The following CALD1 variants were observed in gnomAD, a reference collection of about 807,000 sequenced individuals.
CALD1 encodes caldesmon.
In CALD1, 33 loss-of-function variants were observed where a neutral mutation model predicts 99.9. That is an observed-to-expected ratio of 0.33 (90% confidence interval 0.25 to 0.44). The LOEUF (loss-of-function observed/expected upper bound fraction) is 0.44, where lower values mean the gene tolerates loss of function less well. CALD1 is among the 20% of genes least tolerant of loss of function. The probability of loss-of-function intolerance (pLI) is 1.00; values close to 1 mark genes in which losing one functional copy is unlikely to be tolerated. For synonymous variants in CALD1, 310 were observed against 325.0 expected, an observed-to-expected ratio of 0.95 and a Z score of 0.50; for missense variants, 861 against 962.1, an observed-to-expected ratio of 0.89 and a Z score of 1.39.
the CALD1 span, among the ~76,000 whole-genome samples, chr7:134,721,329 C>CAAAA: frequency 2.4e-5 from 3 of 123,728 alleles, no homozygotes; most frequent in Non-Finnish European, 3.6e-5. Context: ...AAGTCATCTG[C>CAAAA]AAAAAAAAAA....
intron 1 of CALD1, among the ~76,000 whole-genome samples, chr7:134,822,516 TC>T (rs1798822166): frequency 6.6e-6 from 1 of 152,222 alleles, no homozygotes; most frequent in Non-Finnish European, 1.5e-5. Context: ...TAGTGATTTT[TC>T]ATAAGAAACG....
At chr7:134,920,551 A>G in intron 3 of CALD1, 1 of 1,256,848 alleles carries the variant, frequency 8.0e-7, no homozygotes, top group Non-Finnish European at 1.0e-6. Context: ...TTGCTGCAGA[A>G]AGCTGGGGAC....
chr7:134,958,887 A>ATATATATTTAAC (rs1554479109), intron 11 of CALD1, among the ~76,000 whole-genome samples: 59 of 96,234 alleles, frequency 6.1e-4, no homozygotes, highest in East Asian at 4.4e-3. Context: ...ATATATATAT[A>ATATATATTTAAC]TATATATATA....
chr7:134,884,705 T>C (rs183934685), intron 3 of CALD1, among the ~76,000 whole-genome samples: 4 of 151,402 alleles, frequency 2.6e-5, no homozygotes, highest in African/African-American at 9.7e-5. Context: ...GCAGCGTCTC[T>C]ACTCCATCGT....
chr7:134,874,424 C>T (rs965946478), intron 3 of CALD1, among the ~76,000 whole-genome samples: 4 of 152,094 alleles, frequency 2.6e-5, no homozygotes, highest in Non-Finnish European at 5.9e-5. Flanking sequence ...AGTGCTCCAC[C>T]GGCCTCAGCC....
chr7:134,891,409 G>A (rs1802157774), intron 3 of CALD1: 1 of 1,283,624 alleles, frequency 7.8e-7, no homozygotes, highest in Non-Finnish European at 9.9e-7. Context: ...GAACGGGTTG[G>A]GAGGAGTAGA....
In CALD1 at chr7:134,928,428, C is replaced by CA. The variant is rs11355152; in HGVS notation, c.72-298dup. Among the ~76,000 whole-genome samples the CA allele has an allele frequency of 3.8e-3, 212 of 55,614 alleles. 5 individuals are homozygous for CA. Among genetic ancestry groups the CA allele is most frequent in the Middle Eastern group, 0.014 (1 of 72 alleles). 36.5% of individuals were successfully genotyped at this position (55,614 alleles called of 152,430 possible). A position where few individuals can be genotyped will look rare whatever the true frequency, so the allele number is the denominator to read the frequency against. Reference sequence around the variant, plus strand: ...CGGGTGACAGTGCAAGACTGGGTCTCAAAAAAAAAAAAAAAAAAAAAAAAA... The same window carrying CA: ...CGGGTGACAGTGCAAGACTGGGTCTCAAAAAAAAAAAAAAAAAAAAAAAAAA... On this transcript the variant is annotated intron_variant, in intron 3 of 14. Transcript: ENST00000361675.
chr7:134,754,849 T>C (rs2131575739), intron 1 of CALD1, among the ~76,000 whole-genome samples: 1 of 152,318 alleles, frequency 6.6e-6, no homozygotes, highest in East Asian at 1.9e-4. Context: ...AAGGTTTCTT[T>C]AGAGACGATC....
chr7:134,816,740 T>C (rs781774643), intron 1 of CALD1, among the ~76,000 whole-genome samples: 2 of 152,178 alleles, frequency 1.3e-5, no homozygotes, highest in African/African-American at 2.4e-5. Flanking sequence ...ATAGGATCAA[T>C]GTATTCAAAT....
intron 1 of CALD1, among the ~76,000 whole-genome samples, chr7:134,802,005 T>C (rs764301142): frequency 6.6e-6 from 1 of 152,218 alleles, no homozygotes; most frequent in South Asian, 2.1e-4. Flanking sequence ...ATATAATTCA[T>C]GTTTTCTCTC....
At chr7:134,718,647 C>T in the CALD1 span, among the ~76,000 whole-genome samples, 1 of 151,938 alleles carries the variant, frequency 6.6e-6, no homozygotes, top group South Asian at 2.1e-4. Context: ...AAAACCTGGC[C>T]TCAGCTGTTT....
chr7:134,853,216 C>T (rs1013642754), intron 2 of CALD1, among the ~76,000 whole-genome samples: 13 of 152,162 alleles, frequency 8.5e-5, no homozygotes, highest in Non-Finnish European at 1.5e-4. Context: ...GTGGGTGAGA[C>T]TAGTTCACCA....
the CALD1 span, among the ~76,000 whole-genome samples, chr7:134,722,459 C>T: frequency 2.0e-5 from 3 of 152,138 alleles, no homozygotes; most frequent in East Asian, 1.9e-4. Flanking sequence ...CTTCCTCTGT[C>T]GCCCAGGCTG....
chr7:134,807,016 T>G (rs1395466877), intron 1 of CALD1, among the ~76,000 whole-genome samples: 1 of 152,128 alleles, frequency 6.6e-6, no homozygotes, highest in Non-Finnish European at 1.5e-5. Context: ...AATTATCTAG[T>G]GGAGATTTAG....
intron 13 of CALD1, among the ~76,000 whole-genome samples, chr7:134,964,269 A>G (rs547711642): frequency 1.3e-5 from 2 of 152,200 alleles, no homozygotes; most frequent in Non-Finnish European, 2.9e-5. Context: ...GTGATTCCAG[A>G]GCAAGTTGTT....
chr7:134,773,696 T>C (rs527753239), intron 1 of CALD1, among the ~76,000 whole-genome samples: 2 of 152,312 alleles, frequency 1.3e-5, no homozygotes, highest in South Asian at 4.1e-4. Flanking sequence ...TCTTGTTCCA[T>C]GGATACAATA....
intron 9 of CALD1, among the ~76,000 whole-genome samples, chr7:134,950,969 A>G (rs527883085): frequency 6.6e-6 from 1 of 152,142 alleles, no homozygotes; most frequent in Admixed American, 6.5e-5. Flanking sequence ...AAAATTTATC[A>G]CTCACAGTTT....
At chr7:134,846,978 T>C (rs1383568046) in intron 2 of CALD1, among the ~76,000 whole-genome samples, 1 of 152,214 alleles carries the variant, frequency 6.6e-6, no homozygotes, top group African/African-American at 2.4e-5. Flanking sequence ...AATGGTCTAG[T>C]TGGGGTGTTC....
intron 2 of CALD1, among the ~76,000 whole-genome samples, chr7:134,847,983 T>C (rs1344504803): frequency 6.6e-6 from 1 of 152,122 alleles, no homozygotes; most frequent in African/African-American, 2.4e-5. Context: ...GGACACAGAC[T>C]CAATTGCTTC....
Sources: gnomAD v4.1 joint callset for allele counts (sites outside exome capture counted in the v4.1 genomes callset) on GRCh38, gnomAD v4.1.1 for gene constraint, MANE v1.5 for transcripts, NCBI Gene and HGNC (gene_info 2026-07-23, HGNC 2026-07-21) for gene names.